Variants in FAAH observed in about 807,000 individuals in gnomAD.
The protein encoded by FAAH is fatty acid amide hydrolase.
In FAAH, 63 loss-of-function variants were observed where a neutral mutation model predicts 69.7. That is an observed-to-expected ratio of 0.90 (90% CI 0.74 to 1.12). FAAH has a LOEUF of 1.12. Among genes scored for constraint, FAAH ranks in the 50% most tolerant of loss-of-function variants. FAAH has a pLI of 0.00. For missense variants in FAAH, 680 were observed against 755.0 expected (o/e 0.90, Z 1.16); for synonymous variants, 305 against 324.2 (o/e 0.94, Z 0.64).
chr1:46,409,232 A>C (rs1303974108), intron 9 of FAAH, 34 bp downstream of exon 9: 1 of 1,544,492 alleles, frequency 6.5e-7, no homozygotes, highest in Admixed American at 1.7e-5. Flanking sequence ...TCTTGGTGGG[A>C]TCAGACAAGT....
At chr1:46,399,460 G>GTCATTAAC (rs1664658404) in intron 1 of FAAH, among the ~76,000 whole-genome samples, 1 of 152,246 alleles carries the variant, frequency 6.6e-6, no homozygotes, top group African/African-American at 2.4e-5. Context: ...TAGCAGCTGT[G>GTCATTAAC]TCATTAACTG....
intron 1 of FAAH, among the ~76,000 whole-genome samples, chr1:46,398,018 C>T (rs1371961311): frequency 1.3e-5 from 2 of 149,376 alleles, no homozygotes; most frequent in Non-Finnish European, 3.0e-5. Flanking sequence ...ACTGCAACCT[C>T]CACCTCCCGG....
chr1:46,412,474 T>C (rs1664934810), intron 13 of FAAH, among the ~76,000 whole-genome samples: 1 of 152,148 alleles, frequency 6.6e-6, no homozygotes, highest in Non-Finnish European at 1.5e-5. Flanking sequence ...GAATCTAGTT[T>C]GGGGAGGTGA....
chr1:46,397,898 G>A (rs935083894), intron 1 of FAAH, among the ~76,000 whole-genome samples: 10 of 151,226 alleles, frequency 6.6e-5, no homozygotes, highest in African/African-American at 2.2e-4. Context: ...TAGTATAAAC[G>A]GTTTCGTCAT....
intron 7 of FAAH, among the ~76,000 whole-genome samples, chr1:46,406,911 C>A (rs1457553959): frequency 6.6e-6 from 1 of 152,054 alleles, no homozygotes; most frequent in Non-Finnish European, 1.5e-5. Context: ...GGCCGGAAAT[C>A]CACAGGCTTT....
In FAAH at chr1:46,394,385, G is replaced by C. The variant is rs769296217; in HGVS notation, c.37G>C (p.Ala13Pro). ...CGAGCTGTGGGCCGCGCTGCCTGGCGCCTCCGGGGTCGCCCTGGCCTGCTG... is the reference window on the plus strand; with the variant it reads ...CGAGCTGTGGGCCGCGCTGCCTGGCCCCTCCGGGGTCGCCCTGGCCTGCTG... The part of the protein sequence containing the change: ...QYELWAALPG[A>P]SGVALACCFV... The change falls in exon 1 of 15, where the codon GCC (alanine) becomes CCC (proline). Residue 13 changes from alanine (A) to proline (P), a missense_variant. Coordinates refer to ENST00000243167, the MANE Select transcript of FAAH (RefSeq NM_001441.3). The C allele has an allele frequency of 1.6e-5, 25 of 1,543,864 alleles. No individual in the cohort carries two copies. Among genetic ancestry groups the C allele is most frequent in the Non-Finnish European group, 1.8e-5 (21 of 1,150,908 alleles).
chr1:46,401,421 C>T lies in FAAH; in HGVS notation c.196-670C>T, dbSNP rs1034301258. ...AGTGAGACCAAGAACCCACCAATTC[C>T]GGACACAGAATGAATGTGTAAACCC... On this transcript the variant is annotated intron_variant, in intron 1 of 14. Coordinates refer to ENST00000243167, the MANE Select transcript of FAAH (RefSeq NM_001441.3). 2.9e-4 allele frequency among the ~76,000 whole-genome samples: 44 copies of T among 152,210 alleles called. 1 individual carries two copies. Among genetic ancestry groups the T allele is most frequent in the African/African-American group, 1.1e-3 (44 of 41,506 alleles).
intron 1 of FAAH, among the ~76,000 whole-genome samples, chr1:46,398,874 G>C (rs970512535): frequency 6.6e-6 from 1 of 152,150 alleles, no homozygotes. Flanking sequence ...GGATGAAGGG[G>C]TACCTAAACA....
intron 5 of FAAH, 26 bp from the exon 6 acceptor site, chr1:46,406,012 T>A: frequency 6.2e-7 from 1 of 1,614,156 alleles, no homozygotes. Context: ...ATTTCCTGTT[T>A]CCAGCATCTT....
intron 1 of FAAH, among the ~76,000 whole-genome samples, chr1:46,398,287 C>A (rs1557756437): frequency 1.3e-5 from 2 of 152,126 alleles, no homozygotes; most frequent in Non-Finnish European, 2.9e-5. Flanking sequence ...CAGCTCTTTC[C>A]CCCGCCTCTC....
rs1336191983 is a variant in FAAH at position 46,404,263 on chromosome 1, T to G, written c.310-751T>G. 2.6e-5 allele frequency among the ~76,000 whole-genome samples: 4 copies of G among 152,194 alleles called. No homozygotes were observed. The highest frequency in any genetic ancestry group is 9.7e-5 in the African/African-American group (4 of 41,450). ...TGCCTCGGGTACCCCGGGGACAGATTTTGCACATGCCTGAATATGGCAACA... is the reference window on the plus strand; with the variant it reads ...TGCCTCGGGTACCCCGGGGACAGATGTTGCACATGCCTGAATATGGCAACA... On this transcript the variant is annotated intron_variant, in intron 2 of 14. Transcript: ENST00000243167. This position sits in a 1 kb window ranked among gnomAD's most constrained non-coding sequence, Gnocchi z 4.5.
chr1:46,413,651 C>T lies in FAAH; in HGVS notation c.*76C>T. 2 of 1,602,364 alleles carry T rather than the reference C, an allele frequency of 1.2e-6. No homozygotes were observed. On this transcript the variant is annotated 3_prime_UTR_variant, in exon 15 of 15. Coordinates refer to ENST00000243167, the MANE Select transcript of FAAH (RefSeq NM_001441.3). ...AGTCAGGGCACAGCTGCCCTGCTGC[C>T]ACAGCAAGGAAATGTCCTGCATGGG...
At chr1:46,398,256 A>C (rs1664634703) in intron 1 of FAAH, among the ~76,000 whole-genome samples, 1 of 152,108 alleles carries the variant, frequency 6.6e-6, no homozygotes, top group African/African-American at 2.4e-5. Context: ...GTTTTAGCTG[A>C]ACCCAGCCCA....
intron 1 of FAAH, 114 bp downstream of exon 1, chr1:46,394,657 C>G: frequency 1.1e-6 from 1 of 912,884 alleles, no homozygotes; most frequent in South Asian, 4.2e-5. Context: ...AGATGTGTAA[C>G]TCTCCAGAAT....
At chr1:46,406,642 G>T (rs1478845943) in intron 7 of FAAH, among the ~76,000 whole-genome samples, 1 of 148,234 alleles carries the variant, frequency 6.7e-6, no homozygotes, top group Non-Finnish European at 1.5e-5. Context: ...GAGTGCAGTG[G>T]CGCGATCTCG....
At position 46,405,610 on chromosome 1, in the gene FAAH, T is replaced by A; in HGVS notation, c.601T>A (p.Phe201Ile). 1 of 1,613,408 alleles carries A rather than the reference T, an allele frequency of 6.2e-7. No individual in the cohort carries two copies. The highest frequency in any genetic ancestry group is 8.5e-7 in the Non-Finnish European group (1 of 1,180,024). The change falls in exon 5 of 15, where the codon TTT becomes ATT. Residue 201 changes from phenylalanine to isoleucine, a missense_variant. Transcript: ENST00000243167. This position sits in a 1 kb window ranked among gnomAD's most constrained non-coding sequence, Gnocchi z 4.1. ...MFSYDCSNPL[F>I]GQTVNPWKSS... ...CAGCTATGACTGCAGTAACCCCCTC[T>A]TTGGCCAGACCGTGAACCCATGGAA...
chr1:46,399,443 T>G (rs1260060543), intron 1 of FAAH, among the ~76,000 whole-genome samples: 1 of 152,242 alleles, frequency 6.6e-6, no homozygotes, highest in African/African-American at 2.4e-5. Context: ...GATTTAAAAA[T>G]AGCTGTTAGC....
chr1:46,408,629 C>A (rs201651415), intron 8 of FAAH, 45 bp downstream of exon 8: 2 of 1,613,492 alleles, frequency 1.2e-6, no homozygotes. Flanking sequence ...CCTCCCCTCA[C>A]GGGAAGCCTT....
At chr1:46,397,782 C>T (rs1034957857) in intron 1 of FAAH, among the ~76,000 whole-genome samples, 5 of 151,214 alleles carry the variant, frequency 3.3e-5, no homozygotes, top group African/African-American at 4.9e-5. Flanking sequence ...TGGCTGGCCT[C>T]GACCTCCCGA....
Sources: allele counts gnomAD v4.1 joint callset (sites outside exome capture counted in the v4.1 genomes callset), GRCh38; gene constraint gnomAD v4.1.1; non-coding constraint Gnocchi (gnomAD v3.1); transcripts MANE v1.5; gene names NCBI Gene and HGNC (gene_info 2026-07-23, HGNC 2026-07-21).